The following NDST4 variants were observed in gnomAD, a reference collection of about 807,000 sequenced individuals.
NDST4 encodes the protein N-deacetylase and N-sulfotransferase 4.
Under a neutral mutation model 100.8 loss-of-function variants are expected in NDST4, and 63 were observed. The ratio of observed to expected loss-of-function variants is 0.62; its 90% CI spans 0.51 to 0.77. The LOEUF is 0.77. Ranked by LOEUF, NDST4 falls within the 30% of genes least tolerant of loss-of-function variation. The probability of loss-of-function intolerance (pLI) is 0.00; values close to 1 mark genes in which losing one functional copy is unlikely to be tolerated. For missense variants in NDST4, 943 were observed against 1,018.4 expected (o/e 0.93, Z 1.01); for synonymous variants, 377 against 361.8 (o/e 1.04, Z -0.48).
At chr4:115,084,669 G>A (rs762139151) in intron 1 of NDST4, among the ~76,000 whole-genome samples, 3 of 152,182 alleles carry the variant, frequency 2.0e-5, no homozygotes, top group African/African-American at 7.2e-5. Flanking sequence ...GTTTCAGAGG[G>A]TGCAAGCCCC....
chr4:115,085,029 G>T (rs112232357), intron 1 of NDST4, among the ~76,000 whole-genome samples: 138 of 152,292 alleles, frequency 9.1e-4, no homozygotes, highest in African/African-American at 3.2e-3. Flanking sequence ...TGTGAGGGGG[G>T]CTGTACCCTG....
At chr4:115,024,276 C>T (rs1727930195) in intron 2 of NDST4, among the ~76,000 whole-genome samples, 1 of 152,102 alleles carries the variant, frequency 6.6e-6, no homozygotes, top group Non-Finnish European at 1.5e-5. Flanking sequence ...TGTAGAGTTA[C>T]CATCATGCAG....
intron 2 of NDST4, among the ~76,000 whole-genome samples, chr4:115,033,066 G>A (rs1728147871): frequency 6.7e-6 from 1 of 148,970 alleles, no homozygotes; most frequent in Non-Finnish European, 1.5e-5. Flanking sequence ...GAACTCTAAA[G>A]GGGCTTAAAT....
chr4:115,078,608 T>C (rs1354254262), intron 1 of NDST4, among the ~76,000 whole-genome samples: 1 of 151,806 alleles, frequency 6.6e-6, no homozygotes, highest in Non-Finnish European at 1.5e-5. Context: ...ATTCAAGAAG[T>C]GGTGGGTGGA....
At chr4:115,013,370 T>TAC (rs1553961183) in intron 2 of NDST4, among the ~76,000 whole-genome samples, 831 of 71,346 alleles carry the variant, frequency 0.012, 52 homozygotes, top group African/African-American at 0.024. Context: ...TATATATATA[T>TAC]ACACACACAT....
chr4:114,957,960 C>T (rs1260185577), intron 4 of NDST4, among the ~76,000 whole-genome samples: 1 of 152,200 alleles, frequency 6.6e-6, no homozygotes, highest in Non-Finnish European at 1.5e-5. Flanking sequence ...CCCTTCCTGG[C>T]TGCTTTCACT....
At position 114,912,848 on chromosome 4, in the gene NDST4, T is replaced by C. The variant is rs1248107478; in HGVS notation, c.1536+22358A>G. On this transcript the variant is annotated intron_variant, in intron 6 of 13. Coordinates refer to ENST00000264363, the MANE Select transcript of NDST4 (RefSeq NM_022569.3). The stretch of plus-strand genomic sequence containing the variant: ...AAATCACTTGTTTTTACTTTTTATA[T>C]ATATAGCCAAATTAGGATGGATAGG... Among the ~76,000 whole-genome samples the C allele has an allele frequency of 3.9e-5, 6 of 152,290 alleles. No homozygotes were observed. In the East Asian group the frequency reaches 1.2e-3, roughly 29 times the overall value.
intron 2 of NDST4, among the ~76,000 whole-genome samples, chr4:115,052,078 T>C (rs1469198346): frequency 1.3e-5 from 2 of 152,158 alleles, no homozygotes; most frequent in Non-Finnish European, 2.9e-5. Context: ...TTGTATGTCT[T>C]CTTTTAAGAA....
chr4:115,109,140 G>C (rs1729891713), intron 1 of NDST4, among the ~76,000 whole-genome samples: 1 of 150,992 alleles, frequency 6.6e-6, no homozygotes, highest in African/African-American at 2.4e-5. Flanking sequence ...AGAGAGGAAG[G>C]GAAGGGAAAT....
chr4:115,056,110 G>A (rs971990367), intron 2 of NDST4, among the ~76,000 whole-genome samples: 4 of 152,012 alleles, frequency 2.6e-5, no homozygotes, highest in Admixed American at 2.0e-4. Context: ...CCAGCACTTC[G>A]TGAGGTCAAG....
chr4:114,922,449 C>A (rs531827133), intron 6 of NDST4, among the ~76,000 whole-genome samples: 1 of 152,154 alleles, frequency 6.6e-6, no homozygotes, highest in African/African-American at 2.4e-5. Context: ...GTAACACAAC[C>A]GCAGAAGCAT....
intron 6 of NDST4, among the ~76,000 whole-genome samples, chr4:114,926,176 AAT>A (rs1037674754): frequency 1.7e-4 from 26 of 152,156 alleles, no homozygotes; most frequent in African/African-American, 6.3e-4. Flanking sequence ...GAAAAATATC[AAT>A]ATGTGATGAA....
At chr4:114,945,795 T>A (rs1340493628) in intron 4 of NDST4, among the ~76,000 whole-genome samples, 4 of 152,158 alleles carry the variant, frequency 2.6e-5, no homozygotes, top group Non-Finnish European at 2.9e-5. Context: ...AATCATTGAT[T>A]TTCCACTGTG....
At chr4:115,094,070 G>A (rs1729573879) in intron 1 of NDST4, among the ~76,000 whole-genome samples, 1 of 151,290 alleles carries the variant, frequency 6.6e-6, no homozygotes, top group African/African-American at 2.4e-5. Context: ...CATAACTGAT[G>A]GAAATGAAAA....
chr4:114,875,315 T>C (rs898785060), intron 6 of NDST4, among the ~76,000 whole-genome samples: 1 of 152,144 alleles, frequency 6.6e-6, no homozygotes. Flanking sequence ...TTCTTATCTG[T>C]TGTAAAAATA....
chr4:114,847,362 C>T (rs1408126912), intron 9 of NDST4, among the ~76,000 whole-genome samples: 1 of 89,228 alleles, frequency 1.1e-5, no homozygotes, highest in Non-Finnish European at 1.8e-5. Context: ...GGCGACAGAG[C>T]GAGACTCCGT....
At chr4:115,112,547 A>G (rs1374680243) in intron 1 of NDST4, among the ~76,000 whole-genome samples, 1 of 151,982 alleles carries the variant, frequency 6.6e-6, no homozygotes, top group Non-Finnish European at 1.5e-5. Flanking sequence ...ATGAGAACTC[A>G]CAGTATAACT....
At chr4:114,968,918 C>G (rs577966407) in intron 4 of NDST4, among the ~76,000 whole-genome samples, 2 of 152,122 alleles carry the variant, frequency 1.3e-5, no homozygotes, top group Admixed American at 1.3e-4. Flanking sequence ...GGCCTCTCTG[C>G]AGATCTACTG....
chr4:114,973,702 C>T (rs1726566611), intron 3 of NDST4, among the ~76,000 whole-genome samples: 1 of 151,642 alleles, frequency 6.6e-6, no homozygotes, highest in African/African-American at 2.4e-5. Context: ...TAATTTTGCC[C>T]TACAGGTTAA....
Sources: allele counts gnomAD v4.1 joint callset (sites outside exome capture counted in the v4.1 genomes callset), GRCh38; gene constraint gnomAD v4.1.1; transcripts MANE v1.5; gene names NCBI Gene and HGNC (gene_info 2026-07-23, HGNC 2026-07-21).